Variants in OTOA observed in about 807,000 individuals in gnomAD.
OTOA encodes cancer/testis antigen 108.
Under a neutral mutation model 110.8 loss-of-function variants are expected in OTOA, and 70 were observed. That is an observed-to-expected ratio of 0.63 (90% CI 0.52 to 0.77). The LOEUF (loss-of-function observed/expected upper bound fraction) is 0.77. Among genes scored for constraint, OTOA ranks in the 30% least tolerant of loss-of-function variants. The pLI is 0.00. For synonymous variants in OTOA, 373 were observed against 431.5 expected (o/e 0.86, Z 1.68); for missense variants, 917 against 1,075.8 (o/e 0.85, Z 2.06).
chr16:21,665,298 C>T (rs1290476298), intron 1 of OTOA, among the ~76,000 whole-genome samples: 1 of 152,258 alleles, frequency 6.6e-6, no homozygotes, highest in African/African-American at 2.4e-5. Flanking sequence ...AGCTGTGTGA[C>T]CTTGGGCAGG....
chr16:21,679,345 G>T, intron 5 of OTOA, 134 bp downstream of exon 5: 1 of 1,025,782 alleles, frequency 9.7e-7, no homozygotes. Context: ...TGTGTTAAAA[G>T]TCAACAAACA....
chr16:21,687,689 A>G (rs887468329), intron 8 of OTOA, 41 bp downstream of exon 8: 35 of 1,394,488 alleles, frequency 2.5e-5, no homozygotes, highest in Middle Eastern at 2.4e-4. Context: ...TTTTTTTGAG[A>G]TGGAGTTTCA....
chr16:21,719,784 T>G (rs546325458), intron 17 of OTOA, among the ~76,000 whole-genome samples: 5 of 152,310 alleles, frequency 3.3e-5, no homozygotes, highest in Admixed American at 2.6e-4. Flanking sequence ...TTCATAATTA[T>G]GTTCCCGTGG....
At chr16:21,668,645 A>G (rs1009441518) in intron 1 of OTOA, among the ~76,000 whole-genome samples, 1 of 151,194 alleles carries the variant, frequency 6.6e-6, no homozygotes, top group Non-Finnish European at 1.5e-5. Flanking sequence ...TATCTTTAGT[A>G]GAGATGGGTT....
chr16:21,697,037 C>CTTTTTTT lies in OTOA; in HGVS notation c.740-720_740-714dup, dbSNP rs56124254. Among the ~76,000 whole-genome samples, 76 of 65,058 alleles carry CTTTTTTT rather than the reference C, an allele frequency of 1.2e-3. 1 individual carries two copies. The highest frequency in any genetic ancestry group is 1.5e-3 in the African/African-American group (22 of 14,868). The allele number at this position is 65,058 out of a possible 152,430, so 42.7% of individuals were successfully genotyped here. On this transcript the variant is annotated intron_variant, in intron 9 of 28. Coordinates refer to ENST00000646100, the MANE Select transcript of OTOA (RefSeq NM_144672.4). ...CCTGAGTAGCTGGGACTACAGCTGG[C>CTTTTTTT]TTTTTTTTTTTTTTTTTTTTTTTTG...
At chr16:21,721,527 T>A (rs778412659) in intron 17 of OTOA, 7 of 454,766 alleles carry the variant, frequency 1.5e-5, no homozygotes, top group Non-Finnish European at 3.1e-5. Flanking sequence ...AATACTGAGG[T>A]GAGCAACTGT....
chr16:21,700,551 C>T (rs1898030882), intron 10 of OTOA, among the ~76,000 whole-genome samples: 1 of 151,786 alleles, frequency 6.6e-6, no homozygotes, highest in Non-Finnish European at 1.5e-5. Flanking sequence ...ATGGTGAATC[C>T]CCATATCTAC....
At chr16:21,718,985 T>G (rs1898639185) in intron 15 of OTOA, 148 bp from the exon 16 acceptor site, 1 of 777,986 alleles carries the variant, frequency 1.3e-6, no homozygotes, top group East Asian at 2.5e-5. Context: ...TTAGCAATGG[T>G]CTAGTCCTAG....
intron 1 of OTOA, among the ~76,000 whole-genome samples, chr16:21,666,243 A>ATTT (rs61085785): frequency 2.3e-5 from 3 of 129,040 alleles, no homozygotes; most frequent in African/African-American, 5.9e-5. Flanking sequence ...ATGAAATGGC[A>ATTT]TTTTTTTTTT....
rs879741488 is a variant in OTOA at position 21,689,689 on chromosome 16, A to AT, written c.636-1882dup. ...CTGAATTGTGCACTTTATTTATGTA[A>AT]TTTTTTTTTTTTTGAGACAGAGTTT... is the stretch of plus-strand genomic sequence containing the variant. On this transcript the variant is annotated intron_variant, in intron 8 of 28. Coordinates refer to ENST00000646100, the MANE Select transcript of OTOA (RefSeq NM_144672.4). 7.0e-3 allele frequency among the ~76,000 whole-genome samples: 1,014 copies of AT among 145,054 alleles called. 29 individuals are homozygous for AT. Among genetic ancestry groups the AT allele is most frequent in the Admixed American group, 0.046 (669 of 14,466 alleles).
intron 1 of OTOA, among the ~76,000 whole-genome samples, chr16:21,670,759 G>A (rs969519782): frequency 6.6e-6 from 1 of 152,206 alleles, no homozygotes; most frequent in Non-Finnish European, 1.5e-5. Context: ...TGCTATAAAA[G>A]AGAAGTATTG....
At chr16:21,735,334 T>G (rs1597855683) in intron 21 of OTOA, among the ~76,000 whole-genome samples, 2 of 150,820 alleles carry the variant, frequency 1.3e-5, no homozygotes, top group Non-Finnish European at 3.0e-5. Flanking sequence ...ATGGGGGAGG[T>G]GCTACATGCA....
intron 2 of OTOA, 31 bp from the exon 3 acceptor site, chr16:21,678,884 T>C (rs1483573431): frequency 6.2e-7 from 1 of 1,610,216 alleles, no homozygotes. Context: ...ACAATTCAAT[T>C]CTAGTTATAC....
chr16:21,732,007 C>T (rs1899130482), intron 21 of OTOA, among the ~76,000 whole-genome samples: 1 of 151,528 alleles, frequency 6.6e-6, no homozygotes, highest in Admixed American at 6.6e-5. Context: ...CCTCTGTTGC[C>T]CAGGCTGGAG....
At chr16:21,689,629 C>T (rs1010183016) in intron 8 of OTOA, among the ~76,000 whole-genome samples, 4 of 152,072 alleles carry the variant, frequency 2.6e-5, no homozygotes, top group African/African-American at 9.7e-5. Context: ...CCATCAGAAA[C>T]ATCTTTGGCT....
intron 15 of OTOA, among the ~76,000 whole-genome samples, chr16:21,718,585 G>A (rs568166802): frequency 5.9e-5 from 9 of 152,274 alleles, no homozygotes; most frequent in East Asian, 1.9e-4. Context: ...ACTTGATTGC[G>A]TCTGCAAGTT....
At chr16:21,700,260 G>C (rs1056372969) in intron 10 of OTOA, among the ~76,000 whole-genome samples, 7 of 152,168 alleles carry the variant, frequency 4.6e-5, no homozygotes, top group African/African-American at 1.7e-4. Flanking sequence ...CTTCAAAGCA[G>C]AAAGTTTGTG....
chr16:21,698,226 T>C (rs1897983753), intron 10 of OTOA, among the ~76,000 whole-genome samples: 1 of 152,186 alleles, frequency 6.6e-6, no homozygotes, highest in African/African-American at 2.4e-5. Flanking sequence ...AGATATAAAG[T>C]TTCCCATCCT....
chr16:21,680,449 G>A (rs1966880001), intron 5 of OTOA, among the ~76,000 whole-genome samples: 1 of 152,168 alleles, frequency 6.6e-6, no homozygotes, highest in Non-Finnish European at 1.5e-5. Context: ...GGGAGGCTGA[G>A]GTTGTGATAA....
Sources: allele counts gnomAD v4.1 joint callset (sites outside exome capture counted in the v4.1 genomes callset), GRCh38; gene constraint gnomAD v4.1.1; transcripts MANE v1.5; gene names NCBI Gene and HGNC (gene_info 2026-07-23, HGNC 2026-07-21).